The following ETV6 variants were observed in gnomAD, a reference collection of about 807,000 sequenced individuals.
The protein encoded by ETV6 is ETS variant transcription factor 6.
ETV6 carries 16 observed loss-of-function variants against 51.1 expected under a neutral mutation model. The observed-to-expected ratio is 0.31, with a 90% CI of 0.21 to 0.48. The LOEUF is 0.48. Among genes scored for constraint, ETV6 ranks in the 20% least tolerant of loss-of-function variants. The pLI is 0.99. For synonymous variants in ETV6, 240 were observed against 224.1 expected (o/e 1.07, Z -0.64); for missense variants, 458 against 594.8 (o/e 0.77, Z 2.39).
At chr12:11,801,674 C>T (rs566599992) in intron 2 of ETV6, among the ~76,000 whole-genome samples, 1 of 150,932 alleles carries the variant, frequency 6.6e-6, no homozygotes, top group Non-Finnish European at 1.5e-5. Flanking sequence ...CTCATTTAAT[C>T]ATTACAGTGT....
At chr12:11,715,817 A>G (rs1314732406) in intron 1 of ETV6, among the ~76,000 whole-genome samples, 4 of 152,246 alleles carry the variant, frequency 2.6e-5, no homozygotes, top group African/African-American at 9.6e-5. Flanking sequence ...TAAAATAGCT[A>G]AATTGAGAGG....
intron 1 of ETV6, among the ~76,000 whole-genome samples, chr12:11,709,915 C>G (rs764947716): frequency 1.3e-5 from 2 of 152,112 alleles, no homozygotes; most frequent in African/African-American, 2.4e-5. Flanking sequence ...AAATAAATAT[C>G]TGTGTGTGTG....
At chr12:11,889,193 T>G (rs1947250899) in intron 7 of ETV6, among the ~76,000 whole-genome samples, 1 of 151,880 alleles carries the variant, frequency 6.6e-6, no homozygotes, top group Non-Finnish European at 1.5e-5. Context: ...GAGGGAGAAA[T>G]TTTAGTTAGG....
intron 5 of ETV6, among the ~76,000 whole-genome samples, chr12:11,879,835 A>G (rs546116495): frequency 3.9e-5 from 6 of 152,240 alleles, no homozygotes; most frequent in East Asian, 3.9e-4. Flanking sequence ...GCGCTTTATT[A>G]TATAGTATTA....
chr12:11,671,653 C>T (rs1256257195), intron 1 of ETV6, among the ~76,000 whole-genome samples: 2 of 151,972 alleles, frequency 1.3e-5, no homozygotes, highest in Admixed American at 6.6e-5. Flanking sequence ...AGAATTTAGA[C>T]ATTTAGAGCT....
intron 4 of ETV6, among the ~76,000 whole-genome samples, chr12:11,856,445 T>G (rs866898517): frequency 2.1e-4 from 32 of 152,306 alleles, no homozygotes; most frequent in African/African-American, 7.2e-4. Flanking sequence ...TGAGAGCATG[T>G]CCGGGCGCAT....
intron 1 of ETV6, among the ~76,000 whole-genome samples, chr12:11,714,649 GAAAAAAA>G (rs10709538): frequency 1.3e-4 from 11 of 87,072 alleles, no homozygotes; most frequent in African/African-American, 2.4e-4. Context: ...ACCTTGAGGT[GAAAAAAA>G]AAAAAAAAAA....
In ETV6 at chr12:11,869,779, C is replaced by A; in HGVS notation, c.819C>A (p.Ile273=). The change falls in exon 5 of 8, where the codon ATC becomes ATA. Residue 273 remains isoleucine, a synonymous_variant. Coordinates refer to ENST00000396373, the MANE Select transcript of ETV6 (RefSeq NM_001987.5). The surrounding 1 kb of genome is among the most constrained non-coding windows in gnomAD (Gnocchi z 5.0). The stretch of plus-strand genomic sequence containing the variant: ...TGATCCAGCTGATGCCCAGCCCCAT[C>A]ATGCACCCTCTGATCCTGAACCCCC... The part of the protein sequence containing the change: ...TRVIQLMPSP[I]MHPLILNPRH... 1.2e-6 allele frequency: 2 copies of A among 1,613,406 alleles called. No individual in the cohort carries two copies. The highest frequency in any genetic ancestry group is 1.1e-5 in the South Asian group (1 of 91,088).
chr12:11,671,200 T>C (rs1440509015), intron 1 of ETV6, among the ~76,000 whole-genome samples: 1 of 152,170 alleles, frequency 6.6e-6, no homozygotes, highest in Non-Finnish European at 1.5e-5. Flanking sequence ...TTCTGGGAGC[T>C]TTTTGAGAGA....
At chr12:11,788,016 A>G (rs1469830346) in intron 2 of ETV6, among the ~76,000 whole-genome samples, 3 of 152,208 alleles carry the variant, frequency 2.0e-5, no homozygotes, top group Non-Finnish European at 4.4e-5. Context: ...AGTAAAGCAC[A>G]ATAAGAAAAC....
At chr12:11,728,055 A>T (rs1322012779) in intron 1 of ETV6, among the ~76,000 whole-genome samples, 1 of 152,092 alleles carries the variant, frequency 6.6e-6, no homozygotes. Context: ...CCTGACCTCA[A>T]GTGATCTGCC....
At chr12:11,675,017 C>T (rs1007699894) in intron 1 of ETV6, among the ~76,000 whole-genome samples, 1 of 152,202 alleles carries the variant, frequency 6.6e-6, no homozygotes, top group Non-Finnish European at 1.5e-5. Context: ...CCAGGCCCTC[C>T]GTCAGCTCCC....
chr12:11,780,169 A>G (rs940403969), intron 2 of ETV6, among the ~76,000 whole-genome samples: 2 of 152,210 alleles, frequency 1.3e-5, no homozygotes, highest in African/African-American at 2.4e-5. Context: ...ATTACACAGT[A>G]TATTCATAGA....
chr12:11,798,769 G>T (rs1434563735), intron 2 of ETV6, among the ~76,000 whole-genome samples: 3 of 152,160 alleles, frequency 2.0e-5, no homozygotes, highest in Admixed American at 2.0e-4. Flanking sequence ...AATCCCTAGT[G>T]TTGCATAGCT....
chr12:11,729,854 C>T (rs1456448330), intron 1 of ETV6, among the ~76,000 whole-genome samples: 1 of 152,134 alleles, frequency 6.6e-6, no homozygotes, highest in Non-Finnish European at 1.5e-5. Flanking sequence ...CTATTTTCCC[C>T]ATGGTGTGCT....
Position 11,889,430 on chromosome 12 carries a change from G to T in ETV6, c.1254-1511G>T, listed in dbSNP as rs532574413. Reference sequence around the variant, plus strand: ...ACAAAATGAAGGTTTCTTGGTATAAGACCTAGTATGTAATCAAGTGAGGTG... The same window carrying T: ...ACAAAATGAAGGTTTCTTGGTATAATACCTAGTATGTAATCAAGTGAGGTG... On this transcript the variant is annotated intron_variant, in intron 7 of 7. Transcript: ENST00000396373. Among the ~76,000 whole-genome samples the T allele has an allele frequency of 2.0e-5, 3 of 152,326 alleles. No homozygotes were observed. The South Asian group carries it at 6.2e-4, about 32-fold the overall frequency.
chr12:11,724,654 G>A (rs551503754), intron 1 of ETV6, among the ~76,000 whole-genome samples: 1 of 152,214 alleles, frequency 6.6e-6, no homozygotes, highest in African/African-American at 2.4e-5. Flanking sequence ...CAAGAATAAA[G>A]AGTTGAGGGG....
rs142441364 is a variant in ETV6, at chr12:11,839,611, G to A, written c.328+307G>A. Among the ~76,000 whole-genome samples the A allele has an allele frequency of 5.6e-3, 859 of 152,316 alleles. 10 individuals are homozygous for A. The highest frequency in any genetic ancestry group is 0.014 in the Middle Eastern group (4 of 294). ...GAAGAAAAAGAAGGCTGGCCGTGGT[G>A]GCTCACTCCTATAATCCCAGCACTT... On this transcript the variant is annotated intron_variant, in intron 3 of 7. Coordinates refer to ENST00000396373, the MANE Select transcript of ETV6 (RefSeq NM_001987.5).
In ETV6 at chr12:11,828,838, C is replaced by T. The variant is rs193151068; in HGVS notation, c.164-10302C>T. ...ACTTTAATTAAAATGTTGATGCTTA[C>T]GTCACCATACATTTTCTGCATTAAT... On this transcript the variant is annotated intron_variant, in intron 2 of 7. Coordinates refer to ENST00000396373, the MANE Select transcript of ETV6 (RefSeq NM_001987.5). 6.6e-5 allele frequency among the ~76,000 whole-genome samples: 10 copies of T among 152,246 alleles called. No individual in the cohort carries two copies. In the East Asian group the frequency reaches 1.5e-3, roughly 23 times the overall value.
Sources: gnomAD v4.1 joint callset for allele counts (sites outside exome capture counted in the v4.1 genomes callset) on GRCh38, gnomAD v4.1.1 for gene constraint, Gnocchi (gnomAD v3.1) non-coding constraint, MANE v1.5 for transcripts, NCBI Gene and HGNC (gene_info 2026-07-23, HGNC 2026-07-21) for gene names.